The following LARP4B variants were observed in gnomAD, a reference collection of about 807,000 sequenced individuals.
LARP4B encodes La ribonucleoprotein 4B, also known as la-related protein 4B.
Under a neutral mutation model 89.8 loss-of-function variants are expected in LARP4B, and 12 were observed. The ratio of observed to expected loss-of-function variants is 0.13; its 90% confidence interval spans 0.09 to 0.22. The LOEUF (loss-of-function observed/expected upper bound fraction) is 0.22, where lower values mean the gene tolerates loss of function less well. LARP4B is among the 10% of genes least tolerant of loss of function. LARP4B has a pLI of 1.00. For synonymous variants in LARP4B, 367 were observed against 363.3 expected, an observed-to-expected ratio of 1.01 and a Z score of -0.12; for missense variants, 757 against 947.7, an observed-to-expected ratio of 0.80 and a Z score of 2.64.
chr10:816,614 C>T (rs1165929376), intron 15 of LARP4B, among the ~76,000 whole-genome samples: 6 of 152,182 alleles, frequency 3.9e-5, no homozygotes, highest in Non-Finnish European at 5.9e-5. Context: ...TCAATACCAA[C>T]GGGAGTAGGC....
chr10:907,663 A>G (rs1013357878), intron 1 of LARP4B, among the ~76,000 whole-genome samples: 2 of 152,174 alleles, frequency 1.3e-5, no homozygotes, highest in African/African-American at 4.8e-5. Context: ...CTCCCATTTC[A>G]TGGCATAGAA....
the LARP4B span, among the ~76,000 whole-genome samples, chr10:965,834 A>G: frequency 6.6e-6 from 1 of 152,096 alleles, no homozygotes. Context: ...GTTTAGAATC[A>G]TCAACCGATT....
Position 845,066 on chromosome 10 carries a change from G to A in LARP4B, c.431-11C>T, listed in dbSNP as rs1219292255. Reference sequence around the variant, plus strand: ...GAGACTCATTTCCTCCTACATAAAAGTAATAATCAACTTAGGAAAACCGGC... The same window carrying A: ...GAGACTCATTTCCTCCTACATAAAAATAATAATCAACTTAGGAAAACCGGC... On this transcript the variant is annotated splice_polypyrimidine_tract_variant and intron_variant, in intron 5 of 17. Coordinates refer to ENST00000316157, the MANE Select transcript of LARP4B (RefSeq NM_015155.3). 2 of 1,596,824 alleles carry A rather than the reference G, an allele frequency of 1.3e-6. No homozygotes were observed. The highest frequency in any genetic ancestry group is 1.1e-5 in the South Asian group (1 of 90,276).
chr10:849,154 C>T (rs1311442480), intron 5 of LARP4B, among the ~76,000 whole-genome samples: 2 of 152,030 alleles, frequency 1.3e-5, no homozygotes, highest in African/African-American at 4.8e-5. Context: ...AAGAAGGCTG[C>T]TCCAAAGGAA....
At chr10:920,326 C>A (rs2132045151) in intron 1 of LARP4B, among the ~76,000 whole-genome samples, 1 of 152,368 alleles carries the variant, frequency 6.6e-6, no homozygotes, top group East Asian at 1.9e-4. Context: ...AAGACTGCAA[C>A]TGCAATATTA....
chr10:856,667 T>C (rs1834317925), intron 5 of LARP4B, among the ~76,000 whole-genome samples: 1 of 152,234 alleles, frequency 6.6e-6, no homozygotes, highest in Non-Finnish European at 1.5e-5. Flanking sequence ...GAGGGGTTCC[T>C]GCACTTTTGT....
intron 3 of LARP4B, among the ~76,000 whole-genome samples, chr10:873,633 T>A (rs531603781): frequency 6.6e-6 from 1 of 152,312 alleles, no homozygotes; most frequent in Non-Finnish European, 1.5e-5. Context: ...TGTATCTAAT[T>A]TTCTAGCTTT....
intron 1 of LARP4B, chr10:924,271 A>G (rs1182614251): frequency 6.6e-6 from 1 of 152,172 alleles, no homozygotes; most frequent in Non-Finnish European, 1.5e-5. Flanking sequence ...ACACGATTAT[A>G]TGTAATACAA....
chr10:940,008 G>C, the LARP4B span, among the ~76,000 whole-genome samples: 2 of 149,068 alleles, frequency 1.3e-5, no homozygotes, highest in Non-Finnish European at 3.0e-5. Context: ...ACCACGCCCG[G>C]CTAATTTTTT....
At chr10:854,218 T>C (rs549954289) in intron 5 of LARP4B, among the ~76,000 whole-genome samples, 3 of 152,194 alleles carry the variant, frequency 2.0e-5, no homozygotes, top group Non-Finnish European at 4.4e-5. Context: ...TGCAGTGACT[T>C]TCTCCACTGG....
At chr10:972,964 C>G in the LARP4B span, 1 of 439,418 alleles carries the variant, frequency 2.3e-6, no homozygotes, top group Admixed American at 2.4e-5. Flanking sequence ...CTCAGTTCCT[C>G]CCCGTGCAGT....
the LARP4B span, among the ~76,000 whole-genome samples, chr10:974,223 C>T: frequency 2.6e-5 from 4 of 152,242 alleles, 1 homozygote; most frequent in South Asian, 8.3e-4. Flanking sequence ...TGGTCAAGGT[C>T]CCATGAGGAG....
At chr10:836,316 A>C in intron 8 of LARP4B, 87 bp downstream of exon 8, 1 of 963,244 alleles carries the variant, frequency 1.0e-6, no homozygotes, top group Non-Finnish European at 1.6e-6. Flanking sequence ...CACACAGCCC[A>C]AAAAAACACA....
At chr10:974,591 A>T in the LARP4B span, among the ~76,000 whole-genome samples, 1 of 152,296 alleles carries the variant, frequency 6.6e-6, no homozygotes, top group Non-Finnish European at 1.5e-5. Flanking sequence ...TGTGGCGTGC[A>T]CACTGTCATC....
chr10:952,495 A>G, the LARP4B span, among the ~76,000 whole-genome samples: 4 of 134,348 alleles, frequency 3.0e-5, no homozygotes, highest in Non-Finnish European at 6.4e-5. Context: ...CCCACAACCA[A>G]CTGCATAACA....
intron 17 of LARP4B, among the ~76,000 whole-genome samples, chr10:813,422 T>C (rs1564374892): frequency 6.6e-6 from 1 of 152,218 alleles, no homozygotes; most frequent in Non-Finnish European, 1.5e-5. Flanking sequence ...TAGTAATGGA[T>C]AAAATTAGAA....
intron 14 of LARP4B, chr10:820,584 G>C: frequency 1.8e-6 from 1 of 550,012 alleles, no homozygotes; most frequent in South Asian, 2.2e-5. Context: ...TGTGCACTGT[G>C]GAGTCCTGTG....
At chr10:930,050 G>A (rs914441742) in intron 1 of LARP4B, among the ~76,000 whole-genome samples, 1 of 151,974 alleles carries the variant, frequency 6.6e-6, no homozygotes, top group Admixed American at 6.6e-5. Flanking sequence ...TACCCTGACT[G>A]TAATGAGGGG....
upstream of LARP4B, among the ~76,000 whole-genome samples, chr10:935,722 C>CTTTTTTTTTTTTTTTTTTTTTTT (rs10711022): frequency 1.4e-4 from 12 of 83,890 alleles, no homozygotes; most frequent in Admixed American, 2.8e-4. Context: ...CTTTTCTTTT[C>CTTTTTTTTTTTTTTTTTTTTTTT]TTTTTTTTTT....
Sources: gnomAD v4.1 joint callset for allele counts (sites outside exome capture counted in the v4.1 genomes callset) on GRCh38, gnomAD v4.1.1 for gene constraint, MANE v1.5 for transcripts, NCBI Gene and HGNC (gene_info 2026-07-23, HGNC 2026-07-21) for gene names.